Variants in SYT1 observed in about 807,000 individuals in gnomAD.
SYT1 encodes the protein synaptotagmin 1.
Under a neutral mutation model 44.8 loss-of-function variants are expected in SYT1, and 8 were observed. The observed-to-expected ratio is 0.18, with a 90% confidence interval of 0.10 to 0.32. The LOEUF is 0.32. Ranked by LOEUF, SYT1 falls within the 10% of genes least tolerant of loss-of-function variation. The pLI, the probability that SYT1 is intolerant of heterozygous loss-of-function variation, is 1.00. For synonymous variants in SYT1, 154 were observed against 188.8 expected (o/e 0.82, Z 1.51); for missense variants, 286 against 509.3 (o/e 0.56, Z 4.22).
chr12:79,048,706 G>A (rs1352347916), intron 3 of SYT1, among the ~76,000 whole-genome samples: 1 of 151,842 alleles, frequency 6.6e-6, no homozygotes, highest in Non-Finnish European at 1.5e-5. Flanking sequence ...ATTCAGAGCA[G>A]GTTACGGGCA....
chr12:79,046,506 A>T (rs907785343), intron 2 of SYT1: 1 of 152,272 alleles, frequency 6.6e-6, no homozygotes, highest in Non-Finnish European at 1.5e-5. Flanking sequence ...AACATGTCAA[A>T]CCAAATCAGA....
intron 3 of SYT1, among the ~76,000 whole-genome samples, chr12:79,179,425 T>TATATAGATATAGATATAGATATAGAG (rs1872306423): frequency 2.3e-5 from 1 of 43,862 alleles, no homozygotes; most frequent in African/African-American, 1.3e-4. Flanking sequence ...TAGATATATC[T>TATATAGATATAGATATAGATATAGAG]ATATAGATAT....
chr12:79,306,546 G>A (rs528168885), intron 8 of SYT1, among the ~76,000 whole-genome samples: 1 of 152,310 alleles, frequency 6.6e-6, no homozygotes, highest in South Asian at 2.1e-4. Context: ...TGTCCTAAAT[G>A]CTTTGAGCAT....
intron 1 of SYT1, among the ~76,000 whole-genome samples, chr12:78,929,407 CCCAAAAAAAA>C (rs1428647894): frequency 0.013 from 197 of 14,638 alleles, 14 homozygotes; most frequent in Non-Finnish European, 0.032. Context: ...GAGACTCCGT[CCCAAAAAAAA>C]AAAAAAAAAA....
At chr12:78,918,583 C>T (rs1032606935) in intron 1 of SYT1, among the ~76,000 whole-genome samples, 1 of 152,034 alleles carries the variant, frequency 6.6e-6, no homozygotes, top group Non-Finnish European at 1.5e-5. Context: ...ACTGACAGCG[C>T]TCCTGAGCAG....
intron 4 of SYT1, among the ~76,000 whole-genome samples, chr12:79,276,207 T>A (rs977696244): frequency 4.0e-5 from 6 of 151,834 alleles, no homozygotes; most frequent in Non-Finnish European, 7.4e-5. Context: ...CAGCAAAGGA[T>A]CCAAATCAAA....
At chr12:79,217,203 A>G (rs951936354) in intron 3 of SYT1, among the ~76,000 whole-genome samples, 3 of 152,236 alleles carry the variant, frequency 2.0e-5, no homozygotes, top group Non-Finnish European at 4.4e-5. Context: ...TAAAAGTTAA[A>G]TCTACACAGC....
chr12:78,932,204 T>C (rs965740646), intron 1 of SYT1, among the ~76,000 whole-genome samples: 2 of 152,234 alleles, frequency 1.3e-5, no homozygotes, highest in African/African-American at 4.8e-5. Context: ...ATTTAGGTTT[T>C]TGGTTTGGTT....
chr12:79,219,082 G>A (rs1163805052), intron 4 of SYT1, among the ~76,000 whole-genome samples: 1 of 151,940 alleles, frequency 6.6e-6, no homozygotes, highest in East Asian at 1.9e-4. Flanking sequence ...TTTCATTGTG[G>A]CTTTAATTTG....
chr12:79,140,874 A>G (rs1481767590), intron 3 of SYT1, among the ~76,000 whole-genome samples: 4 of 152,120 alleles, frequency 2.6e-5, no homozygotes, highest in Admixed American at 2.6e-4. Flanking sequence ...CCTCAAAAAA[A>G]CCACATTGTT....
chr12:79,421,712 T>G (rs553420411), intron 9 of SYT1, among the ~76,000 whole-genome samples: 50 of 122,052 alleles, frequency 4.1e-4, no homozygotes, highest in African/African-American at 1.8e-3. Context: ...TTGTTTTCTG[T>G]TTTTTTTTTT....
chr12:79,269,539 T>C (rs536144340), intron 4 of SYT1, among the ~76,000 whole-genome samples: 4 of 152,310 alleles, frequency 2.6e-5, no homozygotes, highest in Non-Finnish European at 4.4e-5. Flanking sequence ...AACGGTTAAA[T>C]GATCTGATGC....
intron 1 of SYT1, among the ~76,000 whole-genome samples, chr12:78,869,849 T>C (rs559717350): frequency 3.2e-3 from 484 of 152,234 alleles, no homozygotes; most frequent in Non-Finnish European, 5.1e-3. Context: ...GGTCAAAGTT[T>C]ATCTTTTTTG....
rs552105010 is a variant in SYT1 at position 79,188,687 on chromosome 12, T to C, written c.-17-28816T>C. ...TTCTAGCTAATACTCTTTTTTTCTA[T>C]CTTGAGGGAAAAGTCTTAATATTTT... On this transcript the variant is annotated intron_variant, in intron 3 of 10. Transcript: ENST00000261205. 3.3e-5 allele frequency among the ~76,000 whole-genome samples: 5 copies of C among 152,274 alleles called. No individual in the cohort carries two copies. In the South Asian group the frequency reaches 1.0e-3, roughly 32 times the overall value.
At position 79,419,026 on chromosome 12, in the gene SYT1, C is replaced by A. The variant is rs145943307; in HGVS notation, c.929-25047C>A. On this transcript the variant is annotated intron_variant, in intron 9 of 10. Coordinates refer to ENST00000261205, the MANE Select transcript of SYT1 (RefSeq NM_005639.3). ...TAACAACCACTGATAGAGGGTAGTA[C>A]CTTCTTCCCCTATAGGTGCCTCAGA... is the stretch of plus-strand genomic sequence containing the variant. Among the ~76,000 whole-genome samples, 1,034 of 152,240 alleles carry A rather than the reference C, an allele frequency of 6.8e-3. 2 individuals carry two copies. The highest frequency in any genetic ancestry group is 0.011 in the Non-Finnish European group (782 of 68,016).
intron 3 of SYT1, among the ~76,000 whole-genome samples, chr12:79,143,800 T>C (rs945614290): frequency 8.5e-5 from 13 of 152,204 alleles, no homozygotes; most frequent in African/African-American, 2.9e-4. Context: ...TTAGACTATA[T>C]TACAGATACT....
At chr12:79,070,743 G>A (rs1401424758) in intron 3 of SYT1, among the ~76,000 whole-genome samples, 2 of 152,084 alleles carry the variant, frequency 1.3e-5, no homozygotes, top group Non-Finnish European at 1.5e-5. Flanking sequence ...AGCGACAGGG[G>A]CAAGGCTGAA....
At chr12:78,908,683 C>A (rs977973350) in intron 1 of SYT1, among the ~76,000 whole-genome samples, 2 of 151,754 alleles carry the variant, frequency 1.3e-5, no homozygotes, top group Non-Finnish European at 2.9e-5. Context: ...ATTACAACTT[C>A]TAATATTTCT....
intron 3 of SYT1, among the ~76,000 whole-genome samples, chr12:79,056,017 G>A (rs1874906630): frequency 6.6e-6 from 1 of 151,904 alleles, no homozygotes; most frequent in Non-Finnish European, 1.5e-5. Context: ...ATTGCCTACA[G>A]TATTCAGTAC....
Sources: gnomAD v4.1 joint callset for allele counts (sites outside exome capture counted in the v4.1 genomes callset) on GRCh38, gnomAD v4.1.1 for gene constraint, MANE v1.5 for transcripts, NCBI Gene and HGNC (gene_info 2026-07-23, HGNC 2026-07-21) for gene names.